NRXN1: variants seen among roughly 807,000 people sequenced by gnomAD.
NRXN1 encodes the protein neurexin 1.
In NRXN1, 39 loss-of-function variants were observed where a neutral mutation model predicts 150.9. The ratio of observed to expected loss-of-function variants is 0.26; its 90% CI spans 0.20 to 0.34. The LOEUF is 0.34. NRXN1 is among the 10% of genes least tolerant of loss of function. The probability of loss-of-function intolerance (pLI) is 1.00; values close to 1 mark genes in which losing one functional copy is unlikely to be tolerated. For synonymous variants in NRXN1, 924 were observed against 757.0 expected (o/e 1.22, Z -3.62); for missense variants, 1,815 against 1,949.9 (o/e 0.93, Z 1.30).
intron 19 of NRXN1, among the ~76,000 whole-genome samples, chr2:50,061,905 C>T (rs368429279): frequency 6.6e-6 from 1 of 152,098 alleles, no homozygotes; most frequent in East Asian, 1.9e-4. Context: ...GTTTTATTTT[C>T]CTTTGAATTT....
At chr2:50,302,402 C>A (rs1342986910) in intron 17 of NRXN1, among the ~76,000 whole-genome samples, 1 of 152,090 alleles carries the variant, frequency 6.6e-6, no homozygotes, top group Non-Finnish European at 1.5e-5. Context: ...ATAATGGGAG[C>A]AAATGACTAA....
In NRXN1 at chr2:50,921,900, G is replaced by T. The variant is rs1462721049; in HGVS notation, c.821-20C>A. ...TTTTACCTATGGATTTGATGAAATG[G>T]GTCCATGAAGAAAGGGTTTCCAGAC... is the stretch of plus-strand genomic sequence containing the variant. On this transcript the variant is annotated intron_variant, in intron 4 of 22. Transcript: ENST00000401669. 7.2e-7 allele frequency: 1 copy of T among 1,385,188 alleles called. No homozygotes were observed. The highest frequency in any genetic ancestry group is 9.6e-7 in the Non-Finnish European group (1 of 1,038,400). The allele number at this position is 1,385,188 out of a possible 1,614,324, so 85.8% of individuals were successfully genotyped here.
chr2:50,947,192 T>C (rs1490511408), intron 2 of NRXN1, among the ~76,000 whole-genome samples: 1 of 152,026 alleles, frequency 6.6e-6, no homozygotes, highest in Non-Finnish European at 1.5e-5. Flanking sequence ...AACATAAAAA[T>C]TAACCAAAAT....
chr2:50,991,797 T>C (rs1271572746), intron 2 of NRXN1, among the ~76,000 whole-genome samples: 2 of 152,048 alleles, frequency 1.3e-5, no homozygotes, highest in Admixed American at 1.3e-4. Flanking sequence ...ATACAAGCTA[T>C]TAAAAGGCAA....
At chr2:50,863,919 C>A (rs1270186844) in intron 5 of NRXN1, among the ~76,000 whole-genome samples, 1 of 151,936 alleles carries the variant, frequency 6.6e-6, no homozygotes, top group African/African-American at 2.4e-5. Context: ...CTCATTAGCA[C>A]CAGGATTTAA....
chr2:50,804,439 C>T (rs896076638), intron 5 of NRXN1, among the ~76,000 whole-genome samples: 2 of 152,118 alleles, frequency 1.3e-5, no homozygotes, highest in Non-Finnish European at 2.9e-5. Context: ...GGGATGTAAT[C>T]GCTAGTACAA....
chr2:50,754,226 G>C (rs1014237429), intron 5 of NRXN1, among the ~76,000 whole-genome samples: 8 of 151,780 alleles, frequency 5.3e-5, no homozygotes, highest in African/African-American at 1.9e-4. Flanking sequence ...TATCTGGTTA[G>C]ATATTGATCT....
chr2:50,593,704 A>G (rs1352024942), intron 8 of NRXN1, among the ~76,000 whole-genome samples: 2 of 152,202 alleles, frequency 1.3e-5, no homozygotes, highest in African/African-American at 4.8e-5. Context: ...TGACTTATTT[A>G]AAAACATCTA....
chr2:50,978,724 A>T (rs1187043132), intron 2 of NRXN1, among the ~76,000 whole-genome samples: 1 of 152,054 alleles, frequency 6.6e-6, no homozygotes, highest in Admixed American at 6.6e-5. Flanking sequence ...TCTATTTGAT[A>T]TTCAGATTTT....
intron 17 of NRXN1, among the ~76,000 whole-genome samples, chr2:50,356,263 G>A (rs1253325881): frequency 1.3e-5 from 2 of 152,154 alleles, no homozygotes; most frequent in East Asian, 3.9e-4. Flanking sequence ...GGATGGATGA[G>A]GGAAGACTAG....
chr2:50,782,615 A>G (rs1455959686), intron 5 of NRXN1, among the ~76,000 whole-genome samples: 3 of 152,196 alleles, frequency 2.0e-5, no homozygotes, highest in Non-Finnish European at 2.9e-5. Context: ...AAAAAGTTGT[A>G]TAACATTTAA....
intron 5 of NRXN1, among the ~76,000 whole-genome samples, chr2:50,754,707 A>G (rs896724758): frequency 1.3e-5 from 2 of 151,896 alleles, no homozygotes; most frequent in African/African-American, 4.8e-5. Context: ...CTTCGCCAGT[A>G]AATCACAACT....
intron 5 of NRXN1, among the ~76,000 whole-genome samples, chr2:50,777,682 TAA>T (rs1398741944): frequency 6.6e-6 from 1 of 152,088 alleles, no homozygotes; most frequent in Admixed American, 6.6e-5. Context: ...GAGTAAAATA[TAA>T]AAGAAAATAC....
chr2:50,364,021 A>T (rs528052011), intron 17 of NRXN1, among the ~76,000 whole-genome samples: 125 of 152,246 alleles, frequency 8.2e-4, no homozygotes, highest in African/African-American at 3.0e-3. Context: ...GTTCTCACTC[A>T]TAAGTGGGAG....
chr2:50,826,858 T>G (rs1670515777), intron 5 of NRXN1, among the ~76,000 whole-genome samples: 1 of 152,144 alleles, frequency 6.6e-6, no homozygotes, highest in Non-Finnish European at 1.5e-5. Flanking sequence ...GGATTAGAGA[T>G]ATACATTTGG....
chr2:50,431,633 T>G (rs981626819), intron 17 of NRXN1, among the ~76,000 whole-genome samples: 1 of 152,186 alleles, frequency 6.6e-6, no homozygotes, highest in African/African-American at 2.4e-5. Flanking sequence ...TATTATAAAA[T>G]GAAAACATAA....
chr2:50,832,166 C>T (rs1020162216), intron 5 of NRXN1, among the ~76,000 whole-genome samples: 1 of 152,034 alleles, frequency 6.6e-6, no homozygotes, highest in Non-Finnish European at 1.5e-5. Context: ...CTAGAATGAT[C>T]CTGGCACCAA....
intron 10 of NRXN1, among the ~76,000 whole-genome samples, chr2:50,534,950 T>A (rs998116057): frequency 4.6e-5 from 7 of 152,180 alleles, no homozygotes; most frequent in Non-Finnish European, 8.8e-5. Context: ...CCTTTAACAT[T>A]CTCCAGAAAG....
At chr2:50,587,933 T>C (rs572522339) in intron 8 of NRXN1, among the ~76,000 whole-genome samples, 2 of 152,270 alleles carry the variant, frequency 1.3e-5, no homozygotes, top group African/African-American at 4.8e-5. Context: ...TGAAAATAAA[T>C]GTAAATAATA....
Sources: gnomAD v4.1 joint callset for allele counts (sites outside exome capture counted in the v4.1 genomes callset) on GRCh38, gnomAD v4.1.1 for gene constraint, MANE v1.5 for transcripts, NCBI Gene and HGNC (gene_info 2026-07-23, HGNC 2026-07-21) for gene names.